The following SERP2 variants were observed in gnomAD, a reference collection of about 807,000 sequenced individuals.
SERP2 encodes stress associated endoplasmic reticulum protein family member 2.
In SERP2, 6 loss-of-function variants were observed where a neutral mutation model predicts 9.1. The ratio of observed to expected loss-of-function variants is 0.66; its 90% CI spans 0.36 to 1.30. The LOEUF is 1.30. SERP2 is among the 50% of genes most tolerant of loss of function. The pLI, the probability that SERP2 is intolerant of heterozygous loss-of-function variation, is 0.03. For synonymous variants in SERP2, 37 were observed against 27.3 expected (o/e 1.35, Z -1.10); for missense variants, 58 against 81.9 (o/e 0.71, Z 1.13).
intron 2 of SERP2, among the ~76,000 whole-genome samples, chr13:44,392,069 G>A (rs1437769956): frequency 1.3e-5 from 2 of 151,240 alleles, no homozygotes; most frequent in East Asian, 1.9e-4. Context: ...ATGGTGGTGC[G>A]CTCCTGTAGT....
Position 44,374,092 on chromosome 13 carries a change from A to G in SERP2, c.67A>G (p.Asn23Asp), listed in dbSNP as rs756735354. The G allele has an allele frequency of 6.3e-7, 1 of 1,577,328 alleles. No homozygotes were observed. Among genetic ancestry groups the G allele is most frequent in the Non-Finnish European group, 8.6e-7 (1 of 1,163,098 alleles). ...CAGCAAAAACATCACCCAGAGGGGGAACGTAGCCAAAACCCTGGTAAGGCG... is the reference window on the plus strand; with the variant it reads ...CAGCAAAAACATCACCCAGAGGGGGGACGTAGCCAAAACCCTGGTAAGGCG... ...KHSKNITQRG[N>D]VAKTLRPQEE... The change falls in exon 1 of 3, where the codon AAC (asparagine) becomes GAC (aspartate). Residue 23 changes from asparagine to aspartate, a missense_variant. Asn to Asp is a conservative substitution (Grantham distance 23). Transcript: ENST00000379179.
At chr13:44,384,144 T>C (rs1455816526) in intron 2 of SERP2, among the ~76,000 whole-genome samples, 1 of 152,178 alleles carries the variant, frequency 6.6e-6, no homozygotes, top group Non-Finnish European at 1.5e-5. Flanking sequence ...AGCTTGTCCT[T>C]GGTACTGTGC....
At chr13:44,384,744 G>A (rs1198941846) in intron 2 of SERP2, among the ~76,000 whole-genome samples, 5 of 152,244 alleles carry the variant, frequency 3.3e-5, no homozygotes, top group Middle Eastern at 6.8e-3. Context: ...AGGTCATATG[G>A]CCTTTCTTTG....
Position 44,382,293 on chromosome 13 carries a change from C to T in SERP2, c.157+2580C>T, listed in dbSNP as rs1288673527. Among the ~76,000 whole-genome samples, 6 of 151,512 alleles carry T rather than the reference C, an allele frequency of 4.0e-5. No individual in the cohort carries two copies. The South Asian group carries it at 8.3e-4, about 21-fold the overall frequency. ...CTACTAAAAATACAAAAAAATTAGCCGGACCTGGTGGCAGGTGCCTGTAGT... is the reference window on the plus strand; with the variant it reads ...CTACTAAAAATACAAAAAAATTAGCTGGACCTGGTGGCAGGTGCCTGTAGT... On this transcript the variant is annotated intron_variant, in intron 2 of 2. Coordinates refer to ENST00000379179, the MANE Select transcript of SERP2 (RefSeq NM_001010897.3).
chr13:44,394,495 G>A lies in SERP2; in HGVS notation c.158-2777G>A, dbSNP rs554983963. The stretch of plus-strand genomic sequence containing the variant: ...TTGCATGGTTTCTTATTATTACCTC[G>A]AACTTTTGAAGTTATGAATTAACTT... On this transcript the variant is annotated intron_variant, in intron 2 of 2. Transcript: ENST00000379179. Among the ~76,000 whole-genome samples the A allele has an allele frequency of 8.5e-5, 13 of 152,220 alleles. No homozygotes were observed. The East Asian group carries it at 1.3e-3, about 16-fold the overall frequency.
rs1175730535 is a variant in SERP2, at chr13:44,374,117, G to A, written c.84+8G>A. ...AACGTAGCCAAAACCCTGGTAAGGC[G>A]GGGTCGGCGCCGGCCAGGCAGAGCC... On this transcript the variant is annotated splice_region_variant and intron_variant, in intron 1 of 2. Transcript: ENST00000379179. 1 of 1,560,454 alleles carries A rather than the reference G, an allele frequency of 6.4e-7. No homozygotes were observed. Among genetic ancestry groups the A allele is most frequent in the Non-Finnish European group, 8.7e-7 (1 of 1,155,176 alleles).
chr13:44,374,430 T>C (rs990726086), intron 1 of SERP2, among the ~76,000 whole-genome samples: 20 of 152,226 alleles, frequency 1.3e-4, no homozygotes, highest in African/African-American at 4.8e-4. Context: ...CAGCTGGGCC[T>C]TGTCCCGGAG....
intron 1 of SERP2, among the ~76,000 whole-genome samples, chr13:44,379,237 A>G (rs986231778): frequency 6.6e-6 from 1 of 152,230 alleles, no homozygotes; most frequent in South Asian, 2.1e-4. Flanking sequence ...CAACTCCAAA[A>G]TGGAAATAAT....
chr13:44,395,633 C>G (rs929106030), intron 2 of SERP2, among the ~76,000 whole-genome samples: 1 of 150,378 alleles, frequency 6.6e-6, no homozygotes, highest in African/African-American at 2.4e-5. Context: ...AAGACCCACC[C>G]AAGAACCCAA....
At chr13:44,374,170 G>A (rs1279861359) in intron 1 of SERP2, 61 bp downstream of exon 1, 2 of 763,236 alleles carry the variant, frequency 2.6e-6, no homozygotes, top group Admixed American at 4.2e-5. Flanking sequence ...GGGGCGGAAG[G>A]TGGGGGCGGG....
chr13:44,392,352 G>C (rs1872832786), intron 2 of SERP2, among the ~76,000 whole-genome samples: 1 of 151,922 alleles, frequency 6.6e-6, no homozygotes, highest in Admixed American at 6.6e-5. Flanking sequence ...GCCTCATCAG[G>C]GATTGGGCAA....
intron 2 of SERP2, among the ~76,000 whole-genome samples, chr13:44,382,699 C>T (rs1872064693): frequency 6.6e-6 from 1 of 152,130 alleles, no homozygotes; most frequent in African/African-American, 2.4e-5. Context: ...CCACAGAACA[C>T]AATCAGAGAC....
At chr13:44,391,866 G>C (rs1759496770) in intron 2 of SERP2, among the ~76,000 whole-genome samples, 1 of 152,034 alleles carries the variant, frequency 6.6e-6, no homozygotes, top group Non-Finnish European at 1.5e-5. Flanking sequence ...AAGGAAACTA[G>C]GGAATAGGGT....
intron 2 of SERP2, among the ~76,000 whole-genome samples, chr13:44,393,308 T>G (rs1872891524): frequency 1.3e-5 from 2 of 152,140 alleles, no homozygotes; most frequent in Non-Finnish European, 2.9e-5. Context: ...GTCAGGCAGA[T>G]AGCTCTGGTG....
At chr13:44,379,583 C>T in intron 1 of SERP2, 58 bp from the exon 2 acceptor site, 5 of 1,340,822 alleles carry the variant, frequency 3.7e-6, no homozygotes, top group Non-Finnish European at 4.3e-6. Flanking sequence ...TAGTGATACT[C>T]AAATAATTGT....
At chr13:44,386,808 A>G (rs1872343695) in intron 2 of SERP2, among the ~76,000 whole-genome samples, 2 of 152,152 alleles carry the variant, frequency 1.3e-5, no homozygotes, top group Admixed American at 1.3e-4. Flanking sequence ...TTAGCCTGGG[A>G]TTTTGTTTTG....
intron 2 of SERP2, among the ~76,000 whole-genome samples, chr13:44,382,645 A>G (rs1051209042): frequency 6.6e-6 from 1 of 152,072 alleles, no homozygotes; most frequent in African/African-American, 2.4e-5. Flanking sequence ...CTGAAAATAT[A>G]TTATTCTTCC....
intron 2 of SERP2, 53 bp downstream of exon 2, chr13:44,379,766 AAC>A (rs1871860387): frequency 8.0e-7 from 1 of 1,248,392 alleles, no homozygotes; most frequent in African/African-American, 1.5e-5. Flanking sequence ...GCCTTTGAAA[AAC>A]ACACGTTTTC....
intron 2 of SERP2, chr13:44,395,841 T>C (rs1873070546): frequency 4.4e-6 from 2 of 457,224 alleles, no homozygotes; most frequent in East Asian, 7.0e-5. Flanking sequence ...CCACTGCAGA[T>C]TGGTGTAGTA....
Sources: allele counts gnomAD v4.1 joint callset (sites outside exome capture counted in the v4.1 genomes callset), GRCh38; gene constraint gnomAD v4.1.1; transcripts MANE v1.5; gene names NCBI Gene and HGNC (gene_info 2026-07-23, HGNC 2026-07-21).